AXDND1: variants seen among roughly 807,000 people sequenced by gnomAD.
AXDND1 encodes axonemal dynein light chain domain-containing protein 1.
AXDND1 carries 110 observed loss-of-function variants against 137.5 expected under a neutral mutation model. The ratio of observed to expected loss-of-function variants is 0.80; its 90% CI spans 0.69 to 0.94. The LOEUF is 0.94. Ranked by LOEUF, AXDND1 falls within the 40% of genes least tolerant of loss-of-function variation. The pLI is 0.00. For synonymous variants in AXDND1, 414 were observed against 399.7 expected (o/e 1.04, Z -0.43); for missense variants, 1,191 against 1,169.8 (o/e 1.02, Z -0.26).
At chr1:179,543,842 C>T (rs1672393640) in intron 25 of AXDND1, 1 of 152,342 alleles carries the variant, frequency 6.6e-6, no homozygotes, top group Admixed American at 6.5e-5. Context: ...GTTACCCAGG[C>T]AGAAAAAATG....
At chr1:179,368,604 G>A (rs1667707615) in intron 2 of AXDND1, among the ~76,000 whole-genome samples, 196 bp from the exon 3 acceptor site, 1 of 152,086 alleles carries the variant, frequency 6.6e-6, no homozygotes, top group Non-Finnish European at 1.5e-5. Flanking sequence ...ATGTGAGTAG[G>A]GTAGGCAAGA....
intron 16 of AXDND1, chr1:179,451,731 C>A (rs1660575970): frequency 6.6e-6 from 1 of 152,572 alleles, no homozygotes; most frequent in Admixed American, 6.5e-5. Context: ...TTTCCCTGCA[C>A]AAGCTCTCTC....
At chr1:179,398,025 TG>T (rs1400028155) in intron 11 of AXDND1, among the ~76,000 whole-genome samples, 2 of 152,218 alleles carry the variant, frequency 1.3e-5, no homozygotes, top group Non-Finnish European at 2.9e-5. Context: ...GAACCCTTGC[TG>T]GAGAGGTGGT....
At chr1:179,548,027 C>T (rs1293711929) in intron 25 of AXDND1, among the ~76,000 whole-genome samples, 1 of 151,986 alleles carries the variant, frequency 6.6e-6, no homozygotes, top group Non-Finnish European at 1.5e-5. Flanking sequence ...CACTTTGAAA[C>T]AAATGCTTGT....
intron 21 of AXDND1, among the ~76,000 whole-genome samples, chr1:179,524,005 T>C (rs192273478): frequency 6.6e-6 from 1 of 152,298 alleles, no homozygotes; most frequent in Admixed American, 6.5e-5. Flanking sequence ...AATAACAGTC[T>C]CCAAATGCCA....
chr1:179,371,727 A>G (rs982071459), intron 4 of AXDND1, among the ~76,000 whole-genome samples: 1 of 152,192 alleles, frequency 6.6e-6, no homozygotes, highest in African/African-American at 2.4e-5. Flanking sequence ...GAGATGAGAA[A>G]GGAAGAGGAC....
In AXDND1 at chr1:179,386,238, C is replaced by T. The variant is rs986667615; in HGVS notation, c.863+879C>T. Among the ~76,000 whole-genome samples, 11 of 151,804 alleles carry T rather than the reference C, an allele frequency of 7.2e-5. No homozygotes were observed. In the East Asian group the frequency reaches 1.2e-3, roughly 16 times the overall value. ...GGCTAATTTTGTATATTAGTAGAGA[C>T]GGGGTTTCACCATGTTGGTCAGGCT... On this transcript the variant is annotated intron_variant, in intron 9 of 25. Transcript: ENST00000367618.
chr1:179,506,784 T>C (rs1668579179), intron 20 of AXDND1: 1 of 845,488 alleles, frequency 1.2e-6, no homozygotes, highest in East Asian at 1.2e-4. Context: ...CTGCCCTGTG[T>C]AGTCTGCCAT....
intron 16 of AXDND1, chr1:179,453,930 T>C (rs1157052090): frequency 6.6e-6 from 1 of 152,154 alleles, no homozygotes; most frequent in Admixed American, 6.5e-5. Context: ...CTGTACCCCC[T>C]TCGTGTCTAG....
intron 11 of AXDND1, among the ~76,000 whole-genome samples, chr1:179,405,955 A>G (rs1652888927): frequency 1.3e-5 from 2 of 151,976 alleles, no homozygotes; most frequent in Admixed American, 1.3e-4. Flanking sequence ...ATAATAAACA[A>G]TCATTAGGTT....
At chr1:179,390,159 A>G (rs1210645455) in intron 9 of AXDND1, among the ~76,000 whole-genome samples, 2 of 152,054 alleles carry the variant, frequency 1.3e-5, no homozygotes, top group Non-Finnish European at 1.5e-5. Flanking sequence ...GATTATAGGC[A>G]TGTGCCACTA....
At chr1:179,474,826 A>G (rs1161042414) in intron 17 of AXDND1, among the ~76,000 whole-genome samples, 1 of 152,200 alleles carries the variant, frequency 6.6e-6, no homozygotes, top group African/African-American at 2.4e-5. Flanking sequence ...GTCAATGGGG[A>G]AAATATCTCC....
intron 25 of AXDND1, among the ~76,000 whole-genome samples, chr1:179,553,954 C>T (rs1039106071): frequency 2.1e-5 from 3 of 143,684 alleles, no homozygotes; most frequent in Non-Finnish European, 3.0e-5. Flanking sequence ...GCTCTGTGGT[C>T]GTGGCTGAAG....
chr1:179,467,115 C>T (rs72719294), intron 16 of AXDND1, among the ~76,000 whole-genome samples: 9,570 of 152,146 alleles, frequency 0.063, 361 homozygotes, highest in African/African-American at 0.071. Context: ...GAAGTTCCAT[C>T]CTCCAAAATC....
chr1:179,400,159 C>T (rs1019282548), intron 11 of AXDND1, among the ~76,000 whole-genome samples: 3 of 152,036 alleles, frequency 2.0e-5, no homozygotes, highest in Non-Finnish European at 4.4e-5. Context: ...ATTGCAAAAT[C>T]GTAGAACCAA....
chr1:179,523,308 A>G (rs986345094), intron 21 of AXDND1, among the ~76,000 whole-genome samples: 14 of 151,416 alleles, frequency 9.2e-5, no homozygotes, highest in South Asian at 2.1e-4. Flanking sequence ...AAAATTGTAT[A>G]TATTTATTGT....
intron 9 of AXDND1, among the ~76,000 whole-genome samples, chr1:179,391,093 A>T (rs1004601548): frequency 6.9e-6 from 1 of 145,336 alleles, no homozygotes; most frequent in African/African-American, 2.5e-5. Flanking sequence ...GGCGTGAGCC[A>T]CTGAGGCCAG....
Position 179,521,140 on chromosome 1 carries a change from G to A in AXDND1, c.2497-4194G>A, listed in dbSNP as rs545502639. On this transcript the variant is annotated intron_variant, in intron 21 of 25. Coordinates refer to ENST00000367618, the MANE Select transcript of AXDND1 (RefSeq NM_144696.6). ...CCATGCCTGGCTAATTTTTAATTTCGCAGAGACAGGGTCTTGCTATGTTGC... is the reference window on the plus strand; with the variant it reads ...CCATGCCTGGCTAATTTTTAATTTCACAGAGACAGGGTCTTGCTATGTTGC... Among the ~76,000 whole-genome samples the A allele has an allele frequency of 1.4e-4, 21 of 151,524 alleles. No homozygotes were observed. In the South Asian group the frequency reaches 1.5e-3, roughly 11 times the overall value.
At chr1:179,486,139 A>AAAAAAAACAAAAACAAAAAACT (rs149119239) in intron 18 of AXDND1, among the ~76,000 whole-genome samples, 2 of 87,770 alleles carry the variant, frequency 2.3e-5, no homozygotes, top group Non-Finnish European at 4.6e-5. Context: ...AAAAAAAAAA[A>AAAAAAAACAAAAACAAAAAACT]AACCTGATAG....
Sources: gnomAD v4.1 joint callset for allele counts (sites outside exome capture counted in the v4.1 genomes callset) on GRCh38, gnomAD v4.1.1 for gene constraint, MANE v1.5 for transcripts, NCBI Gene and HGNC (gene_info 2026-07-23, HGNC 2026-07-21) for gene names.